The following GPC6 variants were observed in gnomAD, a reference collection of about 807,000 sequenced individuals.
GPC6 encodes glypican-6.
Under a neutral mutation model 55.2 loss-of-function variants are expected in GPC6, and 14 were observed. The observed-to-expected ratio is 0.25, with a 90% CI of 0.17 to 0.40. GPC6 has a LOEUF of 0.40. Ranked by LOEUF, GPC6 falls within the 10% of genes least tolerant of loss-of-function variation. The probability of loss-of-function intolerance (pLI) is 1.00; values close to 1 mark genes in which losing one functional copy is unlikely to be tolerated. For missense variants in GPC6, 641 were observed against 708.5 expected, an observed-to-expected ratio of 0.90 and a Z score of 1.08; for synonymous variants, 278 against 259.6, an observed-to-expected ratio of 1.07 and a Z score of -0.68.
chr13:94,031,073 T>A (rs564467851), intron 4 of GPC6, among the ~76,000 whole-genome samples: 1 of 150,854 alleles, frequency 6.6e-6, no homozygotes, highest in African/African-American at 2.4e-5. Flanking sequence ...CATGTGCGTG[T>A]GCGTGTGCGT....
chr13:94,181,933 T>C (rs893637825), intron 4 of GPC6, among the ~76,000 whole-genome samples: 1 of 152,232 alleles, frequency 6.6e-6, no homozygotes, highest in Non-Finnish European at 1.5e-5. Context: ...GTTCTTACTT[T>C]TCTGATGAAG....
intron 1 of GPC6, among the ~76,000 whole-genome samples, chr13:93,538,939 T>TA (rs1555309093): frequency 5.9e-5 from 9 of 151,958 alleles, no homozygotes; most frequent in African/African-American, 1.4e-4. Context: ...TTTTTTTTTT[T>TA]TTATTATACT....
At chr13:93,715,726 A>G (rs1415129945) in intron 2 of GPC6, among the ~76,000 whole-genome samples, 1 of 151,674 alleles carries the variant, frequency 6.6e-6, no homozygotes, top group African/African-American at 2.4e-5. Flanking sequence ...TAAATTCTGT[A>G]TTTTCTCATG....
At chr13:94,271,409 C>G (rs1318678025) in intron 4 of GPC6, among the ~76,000 whole-genome samples, 1 of 151,150 alleles carries the variant, frequency 6.6e-6, no homozygotes, top group African/African-American at 2.4e-5. Flanking sequence ...CACACACACA[C>G]TCCATCATGC....
In GPC6 at chr13:94,403,433, C is replaced by T. The variant is rs1566764915; in HGVS notation, c.*216C>T. On this transcript the variant is annotated 3_prime_UTR_variant, in exon 9 of 9. Transcript: ENST00000377047. ...TCTTTCCTTCAGCTATCTGTGGGGACCTTGTTTATTCTAGAGAGAATTCTT... is the reference window on the plus strand; with the variant it reads ...TCTTTCCTTCAGCTATCTGTGGGGATCTTGTTTATTCTAGAGAGAATTCTT... The T allele has an allele frequency of 3.4e-6, 2 of 593,722 alleles. No individual in the cohort carries two copies. The highest frequency in any genetic ancestry group is 2.6e-5 in the Admixed American group (1 of 37,760). The allele number at this position is 593,722 out of a possible 1,614,324, so 36.8% of individuals were successfully genotyped here. A position where few individuals can be genotyped will look rare whatever the true frequency, so the allele number is the denominator to read the frequency against.
chr13:93,656,680 AC>A (rs1451619206), intron 2 of GPC6, among the ~76,000 whole-genome samples: 2 of 152,054 alleles, frequency 1.3e-5, no homozygotes, highest in Non-Finnish European at 2.9e-5. Context: ...TTTGCAGCAA[AC>A]TCAACCAAAT....
chr13:93,897,086 A>T (rs1293862817), intron 3 of GPC6, among the ~76,000 whole-genome samples: 8 of 151,560 alleles, frequency 5.3e-5, no homozygotes, highest in African/African-American at 1.9e-4. Flanking sequence ...TTTTTATTTT[A>T]AAAAAAGCAT....
At chr13:94,111,517 T>A (rs1273827114) in intron 4 of GPC6, among the ~76,000 whole-genome samples, 1 of 149,264 alleles carries the variant, frequency 6.7e-6, no homozygotes, top group Non-Finnish European at 1.5e-5. Flanking sequence ...ATAATAAACT[T>A]CTTAATTTAA....
chr13:94,388,659 G>C (rs537671021), intron 7 of GPC6, among the ~76,000 whole-genome samples: 1 of 152,332 alleles, frequency 6.6e-6, no homozygotes, highest in East Asian at 1.9e-4. Flanking sequence ...TAGTTCTAGA[G>C]GCTGGGAAGT....
intron 4 of GPC6, among the ~76,000 whole-genome samples, chr13:94,189,146 A>G (rs1328554128): frequency 6.6e-6 from 1 of 152,048 alleles, no homozygotes; most frequent in Admixed American, 6.5e-5. Context: ...TGCTTACTCA[A>G]TTTCTCAGGT....
At chr13:93,284,877 T>C (rs1489769996) in intron 1 of GPC6, among the ~76,000 whole-genome samples, 5 of 152,302 alleles carry the variant, frequency 3.3e-5, no homozygotes, top group Admixed American at 3.3e-4. Context: ...ATGTAGAGTC[T>C]TTATCAGAGG....
chr13:93,813,776 A>G (rs1169212779), intron 2 of GPC6, among the ~76,000 whole-genome samples: 1 of 148,434 alleles, frequency 6.7e-6, no homozygotes, highest in Non-Finnish European at 1.5e-5. Context: ...ACTTTATAAG[A>G]TAATATAGTT....
chr13:94,385,589 A>C (rs1194370461), intron 7 of GPC6, among the ~76,000 whole-genome samples: 1 of 152,232 alleles, frequency 6.6e-6, no homozygotes, highest in Non-Finnish European at 1.5e-5. Context: ...GATTCAAATT[A>C]TGTACCCATT....
At chr13:93,749,294 T>C (rs909676610) in intron 2 of GPC6, among the ~76,000 whole-genome samples, 3 of 152,090 alleles carry the variant, frequency 2.0e-5, no homozygotes, top group African/African-American at 7.2e-5. Flanking sequence ...TTTGGTAAGA[T>C]ATTTTAACCA....
chr13:93,415,032 G>A (rs759426537), intron 1 of GPC6, among the ~76,000 whole-genome samples: 1 of 152,200 alleles, frequency 6.6e-6, no homozygotes, highest in East Asian at 1.9e-4. Context: ...GATAGCCTCC[G>A]GGGCTTTTTA....
intron 2 of GPC6, among the ~76,000 whole-genome samples, chr13:93,691,382 G>A (rs1182815852): frequency 6.7e-6 from 1 of 149,622 alleles, no homozygotes; most frequent in South Asian, 2.2e-4. Context: ...AGCCACTTTT[G>A]CTTATTCCTA....
intron 3 of GPC6, among the ~76,000 whole-genome samples, chr13:93,856,068 T>C (rs1240940617): frequency 6.6e-6 from 1 of 151,628 alleles, no homozygotes; most frequent in Non-Finnish European, 1.5e-5. Context: ...TCATGGATCA[T>C]GCCTTTTGTG....
At chr13:94,390,312 A>G (rs1030304357) in intron 7 of GPC6, among the ~76,000 whole-genome samples, 2 of 152,246 alleles carry the variant, frequency 1.3e-5, no homozygotes, top group East Asian at 3.8e-4. Flanking sequence ...ACTGTAAAAT[A>G]TCCAATATAT....
chr13:94,138,649 C>T (rs149986401), intron 4 of GPC6, among the ~76,000 whole-genome samples: 291 of 152,254 alleles, frequency 1.9e-3, no homozygotes, highest in Non-Finnish European at 3.4e-3. Flanking sequence ...GCCATTTTTA[C>T]GTTTATTGAT....
Sources: gnomAD v4.1 joint callset for allele counts (sites outside exome capture counted in the v4.1 genomes callset) on GRCh38, gnomAD v4.1.1 for gene constraint, MANE v1.5 for transcripts, NCBI Gene and HGNC (gene_info 2026-07-23, HGNC 2026-07-21) for gene names.